Variants in PACRG observed in about 807,000 individuals in gnomAD.
PACRG encodes parkin coregulated gene protein.
In PACRG, 29 loss-of-function variants were observed where a neutral mutation model predicts 29.7. The ratio of observed to expected loss-of-function variants is 0.98; its 90% confidence interval spans 0.73 to 1.33. The LOEUF (loss-of-function observed/expected upper bound fraction) is 1.33, where lower values mean the gene tolerates loss of function less well. Among genes scored for constraint, PACRG ranks in the 40% most tolerant of loss-of-function variants. The pLI, the probability that PACRG is intolerant of heterozygous loss-of-function variation, is 0.00. For synonymous variants in PACRG, 116 were observed against 118.7 expected (o/e 0.98, Z 0.15); for missense variants, 279 against 316.2 (o/e 0.88, Z 0.89).
chr6:162,751,342 A>G (rs1368482966), intron 1 of PACRG, among the ~76,000 whole-genome samples: 1 of 152,150 alleles, frequency 6.6e-6, no homozygotes, highest in African/African-American at 2.4e-5. Flanking sequence ...CATTAATCCA[A>G]ACAAATAGAG....
intron 2 of PACRG, among the ~76,000 whole-genome samples, chr6:163,048,454 C>G (rs778095736): frequency 4.2e-4 from 64 of 152,080 alleles, no homozygotes; most frequent in Non-Finnish European, 8.5e-4. Flanking sequence ...GTGATATGGC[C>G]TATTTGGCCA....
chr6:163,280,913 C>T (rs1195711736), intron 4 of PACRG, among the ~76,000 whole-genome samples: 1 of 152,118 alleles, frequency 6.6e-6, no homozygotes, highest in Non-Finnish European at 1.5e-5. Flanking sequence ...TGGTTTATAA[C>T]ACATGTAAAC....
intron 3 of PACRG, among the ~76,000 whole-genome samples, chr6:163,076,279 A>G (rs748515691): frequency 6.6e-6 from 1 of 152,128 alleles, no homozygotes; most frequent in Non-Finnish European, 1.5e-5. Context: ...ACTACTGGGA[A>G]TCTCCCCATG....
chr6:162,803,305 C>T (rs1033241565), intron 1 of PACRG, among the ~76,000 whole-genome samples: 30 of 152,164 alleles, frequency 2.0e-4, no homozygotes, highest in African/African-American at 5.3e-4. Context: ...ATATTTGAGA[C>T]TGCCAGCATT....
At chr6:163,187,968 A>G (rs1220098500) in intron 4 of PACRG, 1 of 152,240 alleles carries the variant, frequency 6.6e-6, no homozygotes, top group African/African-American at 2.4e-5. Flanking sequence ...CCACTCTTCA[A>G]CAAGGCAGGA....
intron 1 of PACRG, among the ~76,000 whole-genome samples, chr6:162,802,690 T>C (rs1785976607): frequency 1.3e-5 from 2 of 152,282 alleles, no homozygotes; most frequent in East Asian, 3.9e-4. Flanking sequence ...TGCACTACAG[T>C]CTGGCTTCCA....
intron 2 of PACRG, among the ~76,000 whole-genome samples, chr6:162,971,872 A>G (rs1801558928): frequency 6.6e-6 from 1 of 152,090 alleles, no homozygotes; most frequent in Non-Finnish European, 1.5e-5. Context: ...AGGCCCCTAT[A>G]AAGAGGACTC....
chr6:163,100,329 A>G (rs1814987097), intron 4 of PACRG, among the ~76,000 whole-genome samples: 1 of 152,106 alleles, frequency 6.6e-6, no homozygotes, highest in South Asian at 2.1e-4. Flanking sequence ...CATGCCGTGC[A>G]CTGATCGCCC....
chr6:163,191,580 C>T (rs771193794), intron 4 of PACRG: 6 of 451,538 alleles, frequency 1.3e-5, no homozygotes, highest in South Asian at 9.4e-5. Context: ...TTGAGTGTAT[C>T]GTTGAGCTAA....
chr6:162,778,159 C>T (rs1234372980), intron 1 of PACRG, among the ~76,000 whole-genome samples: 4 of 152,120 alleles, frequency 2.6e-5, no homozygotes, highest in African/African-American at 7.2e-5. Flanking sequence ...GCACGATGCA[C>T]GGTGGCAGAG....
At chr6:163,139,785 G>A (rs1032314969) in intron 4 of PACRG, among the ~76,000 whole-genome samples, 2 of 152,116 alleles carry the variant, frequency 1.3e-5, no homozygotes, top group African/African-American at 4.8e-5. Context: ...AAATCCCTAT[G>A]TCCATCATCT....
At chr6:162,728,945 T>A (rs934951082) in intron 1 of PACRG, among the ~76,000 whole-genome samples, 3 of 152,200 alleles carry the variant, frequency 2.0e-5, no homozygotes, top group African/African-American at 7.2e-5. Flanking sequence ...CAACTTAATA[T>A]GAACACTGTT....
chr6:162,925,624 A>G (rs887001318), intron 2 of PACRG, among the ~76,000 whole-genome samples: 6 of 152,182 alleles, frequency 3.9e-5, no homozygotes, highest in Admixed American at 2.6e-4. Context: ...CATGTTAAAA[A>G]CTCTCAATAA....
At chr6:163,010,745 C>A (rs1421212099) in intron 2 of PACRG, among the ~76,000 whole-genome samples, 1 of 152,218 alleles carries the variant, frequency 6.6e-6, no homozygotes, top group Non-Finnish European at 1.5e-5. Flanking sequence ...CTCAATGTAT[C>A]AGGCACGGTG....
intron 2 of PACRG, among the ~76,000 whole-genome samples, chr6:163,015,570 C>G (rs1806018216): frequency 6.6e-6 from 1 of 152,066 alleles, no homozygotes; most frequent in South Asian, 2.1e-4. Context: ...CTTGCACCTC[C>G]TTTGTCAGAT....
chr6:163,271,585 C>T (rs1338334180), intron 4 of PACRG, among the ~76,000 whole-genome samples: 1 of 152,104 alleles, frequency 6.6e-6, no homozygotes, highest in Non-Finnish European at 1.5e-5. Context: ...CATCAGGTGC[C>T]CCAACATCAC....
intron 1 of PACRG, among the ~76,000 whole-genome samples, chr6:162,775,569 A>G (rs1055999920): frequency 6.6e-6 from 1 of 152,210 alleles, no homozygotes; most frequent in Non-Finnish European, 1.5e-5. Context: ...TGCTTATAAT[A>G]AATAGCATAA....
chr6:163,227,471 A>G (rs950161023), intron 4 of PACRG, among the ~76,000 whole-genome samples: 1 of 152,200 alleles, frequency 6.6e-6, no homozygotes, highest in Non-Finnish European at 1.5e-5. Flanking sequence ...AAACTATAGC[A>G]CTGCTGTTCT....
intron 2 of PACRG, among the ~76,000 whole-genome samples, chr6:162,948,650 C>T (rs1032338695): frequency 6.6e-6 from 1 of 152,122 alleles, no homozygotes; most frequent in South Asian, 2.1e-4. Flanking sequence ...TGACAAAGAA[C>T]TAATATTTAG....
Sources: allele counts gnomAD v4.1 joint callset (sites outside exome capture counted in the v4.1 genomes callset), GRCh38; gene constraint gnomAD v4.1.1; transcripts MANE v1.5; gene names NCBI Gene and HGNC (gene_info 2026-07-23, HGNC 2026-07-21).